The following CARMIL1 variants were observed in gnomAD, a reference collection of about 807,000 sequenced individuals.
CARMIL1 encodes the protein F-actin-uncapping protein LRRC16A.
Under a neutral mutation model 177.1 loss-of-function variants are expected in CARMIL1, and 90 were observed. That is an observed-to-expected ratio of 0.51 (90% confidence interval 0.43 to 0.61). CARMIL1 has a LOEUF of 0.61. Among genes scored for constraint, CARMIL1 ranks in the 20% least tolerant of loss-of-function variants. CARMIL1 has a pLI of 0.00. For synonymous variants in CARMIL1, 577 were observed against 606.2 expected (o/e 0.95, Z 0.71); for missense variants, 1,380 against 1,667.0 (o/e 0.83, Z 3.00).
intron 8 of CARMIL1, among the ~76,000 whole-genome samples, chr6:25,462,096 A>G (rs1027952899): frequency 6.6e-6 from 1 of 152,194 alleles, no homozygotes; most frequent in Admixed American, 6.5e-5. Context: ...TGGGATTTGT[A>G]AATATTTTCT....
intron 2 of CARMIL1, among the ~76,000 whole-genome samples, chr6:25,360,569 AT>A (rs1239027428): frequency 1.3e-5 from 2 of 152,018 alleles, no homozygotes; most frequent in Admixed American, 6.6e-5. Flanking sequence ...TTTGGCAATT[AT>A]TTTTTTCTCT....
At chr6:25,591,262 G>A (rs941470153) in intron 31 of CARMIL1, among the ~76,000 whole-genome samples, 7 of 152,202 alleles carry the variant, frequency 4.6e-5, no homozygotes, top group Non-Finnish European at 1.0e-4. Flanking sequence ...AAACAGGGTG[G>A]TCTGAATTGT....
At position 25,316,506 on chromosome 6, in the gene CARMIL1, G is replaced by T. The variant is rs6456669; in HGVS notation, c.138+31597G>T. Among the ~76,000 whole-genome samples the T allele has an allele frequency of 7.0e-4, 107 of 151,968 alleles. 1 individual carries two copies. The highest frequency in any genetic ancestry group is 2.2e-3 in the African/African-American group (91 of 41,438). ...CACTCACCGCAACCTCCATCTCGCG[G>T]GTTCAAGCGATTCTCCTGCCTCAGC... On this transcript the variant is annotated intron_variant, in intron 2 of 36. Coordinates refer to ENST00000329474, the MANE Select transcript of CARMIL1 (RefSeq NM_017640.6).
intron 27 of CARMIL1, among the ~76,000 whole-genome samples, chr6:25,552,818 C>A (rs183535085): frequency 6.6e-6 from 1 of 152,088 alleles, no homozygotes; most frequent in African/African-American, 2.4e-5. Flanking sequence ...AATTTCTAAA[C>A]ATGCCTAAAA....
rs779197255 is a variant in CARMIL1 at position 25,619,516 on chromosome 6, A to G, written c.4049A>G (p.Asp1350Gly). Residue 1350 changes from aspartate to glycine, a missense_variant, in exon 37 of 37, where the codon GAT (aspartate) becomes GGT (glycine). Asp to Gly is a moderately conservative substitution (Grantham distance 94, BLOSUM62 -1). Transcript: ENST00000329474. Reference protein sequence around the residue: ...QEQKQRSSSKDGHQGSKSNDS... With the variant: ...QEQKQRSSSKGGHQGSKSNDS... ...CAAAAGCAACGGTCCTCCAGTAAAG[A>G]TGGCCATCAAGGCAGCAAATCTAAT... The G allele has an allele frequency of 1.2e-6, 2 of 1,613,898 alleles. No homozygotes were observed. The highest frequency in any genetic ancestry group is 2.2e-5 in the South Asian group (2 of 91,058).
chr6:25,450,218 T>C (rs1000940341), intron 6 of CARMIL1, 121 bp from the exon 7 acceptor site: 3 of 779,280 alleles, frequency 3.8e-6, no homozygotes, highest in Non-Finnish European at 6.5e-6. Context: ...TTTGCTGTTT[T>C]CCCCCCTAAA....
intron 26 of CARMIL1, among the ~76,000 whole-genome samples, chr6:25,541,794 C>T (rs148784581): frequency 3.7e-4 from 57 of 152,234 alleles, no homozygotes; most frequent in African/African-American, 1.4e-3. Context: ...GCTGGGACTA[C>T]AGGTGCCGGC....
chr6:25,465,821 A>G, intron 8 of CARMIL1, 52 bp from the exon 9 acceptor site: 3 of 1,002,496 alleles, frequency 3.0e-6, no homozygotes, highest in Non-Finnish European at 4.7e-6. Flanking sequence ...ATTAAGTGTC[A>G]GTGTAGCTAC....
chr6:25,572,799 A>C (rs1023319384), intron 29 of CARMIL1, among the ~76,000 whole-genome samples: 4 of 152,182 alleles, frequency 2.6e-5, no homozygotes, highest in Non-Finnish European at 5.9e-5. Context: ...AATAGAAAAA[A>C]TACAGACACC....
At chr6:25,500,092 T>C (rs1348207736) in intron 16 of CARMIL1, 74 bp from the exon 17 acceptor site, 7 of 1,303,952 alleles carry the variant, frequency 5.4e-6, no homozygotes, top group African/African-American at 1.5e-5. Flanking sequence ...CTAGGCTTTA[T>C]TCAGTGTGCT....
intron 2 of CARMIL1, among the ~76,000 whole-genome samples, chr6:25,293,571 G>T (rs1221321590): frequency 6.6e-6 from 1 of 151,630 alleles, no homozygotes; most frequent in African/African-American, 2.4e-5. Flanking sequence ...TAGAGATGGG[G>T]TCTCACTTTG....
chr6:25,602,758 T>C (rs1407892586), intron 33 of CARMIL1, among the ~76,000 whole-genome samples: 1 of 152,210 alleles, frequency 6.6e-6, no homozygotes, highest in African/African-American at 2.4e-5. Context: ...GCATCAATGA[T>C]CAATATACTG....
At chr6:25,293,266 G>GTGTGTA (rs1782125916) in intron 2 of CARMIL1, among the ~76,000 whole-genome samples, 2 of 4,232 alleles carry the variant, frequency 4.7e-4, no homozygotes, top group Non-Finnish European at 1.4e-3. Context: ...AGGATGCTTG[G>GTGTGTA]TGTGTGTGTG....
chr6:25,386,672 AG>A (rs1792193600), intron 2 of CARMIL1, among the ~76,000 whole-genome samples: 1 of 152,230 alleles, frequency 6.6e-6, no homozygotes, highest in Non-Finnish European at 1.5e-5. Context: ...TAGGGTTGTC[AG>A]GAGGGTTAAA....
chr6:25,485,921 G>A (rs866112477), intron 12 of CARMIL1, among the ~76,000 whole-genome samples: 3 of 148,842 alleles, frequency 2.0e-5, no homozygotes, highest in Non-Finnish European at 4.5e-5. Flanking sequence ...TTCATGGCTC[G>A]ATAACGCAAG....
At chr6:25,287,576 CAG>C (rs921014188) in intron 2 of CARMIL1, 1 of 152,784 alleles carries the variant, frequency 6.5e-6, no homozygotes, top group African/African-American at 2.4e-5. Context: ...GGCCAAGTGC[CAG>C]AGACTGTGCT....
At chr6:25,300,892 T>C (rs1782812872) in intron 2 of CARMIL1, among the ~76,000 whole-genome samples, 2 of 152,214 alleles carry the variant, frequency 1.3e-5, no homozygotes. Flanking sequence ...ATAAACCTTA[T>C]TGAGAAATAA....
chr6:25,303,076 A>G (rs576808632), intron 2 of CARMIL1, among the ~76,000 whole-genome samples: 1 of 150,736 alleles, frequency 6.6e-6, no homozygotes, highest in East Asian at 1.9e-4. Context: ...CATTTAGATG[A>G]GAGAGAAATT....
At chr6:25,381,224 A>G (rs1791496476) in intron 2 of CARMIL1, among the ~76,000 whole-genome samples, 1 of 152,248 alleles carries the variant, frequency 6.6e-6, no homozygotes, top group South Asian at 2.1e-4. Flanking sequence ...TAGTATTGAA[A>G]TAGGCAGTTA....
Sources: gnomAD v4.1 joint callset for allele counts (sites outside exome capture counted in the v4.1 genomes callset) on GRCh38, gnomAD v4.1.1 for gene constraint, MANE v1.5 for transcripts, NCBI Gene and HGNC (gene_info 2026-07-23, HGNC 2026-07-21) for gene names.